The following MASP1 variants were observed in gnomAD, a reference collection of about 807,000 sequenced individuals.
MASP1 encodes the protein MBL associated serine protease 1.
Under a neutral mutation model 77.1 loss-of-function variants are expected in MASP1, and 59 were observed. The observed-to-expected ratio is 0.77, with a 90% CI of 0.62 to 0.95. MASP1 has a LOEUF of 0.95. Ranked by LOEUF, MASP1 falls within the 40% of genes least tolerant of loss-of-function variation. MASP1 has a pLI of 0.00. For synonymous variants in MASP1, 362 were observed against 354.5 expected, an observed-to-expected ratio of 1.02 and a Z score of -0.24; for missense variants, 885 against 912.9, an observed-to-expected ratio of 0.97 and a Z score of 0.39.
At chr3:187,272,306 C>T (rs188513560) in intron 2 of MASP1, among the ~76,000 whole-genome samples, 2 of 152,256 alleles carry the variant, frequency 1.3e-5, no homozygotes, top group Admixed American at 1.3e-4. Context: ...TTTTCTGTTT[C>T]TTTAGGATGC....
intron 6 of MASP1, 27 bp downstream of exon 6, chr3:187,253,141 G>A (rs757284899): frequency 8.1e-6 from 13 of 1,612,850 alleles, no homozygotes; most frequent in South Asian, 4.4e-5. Context: ...ACAGCAGCTC[G>A]GTGTGACCTG....
At chr3:187,245,342 G>T (rs710462) in intron 8 of MASP1, among the ~76,000 whole-genome samples, 72,938 of 151,916 alleles carry the variant, frequency 0.48, 18,165 homozygotes, top group Admixed American at 0.56. Context: ...TGACCGCCCA[G>T]TTCAGGAATT....
chr3:187,256,777 C>T lies in MASP1; in HGVS notation c.631G>A (p.Glu211Lys), dbSNP rs772743401. ...TCCAGCTCGATGGTATACAGGCATTCAGAGCTCTTGGGGTAAGGGTTTGGG... is the reference window on the plus strand; with the variant it reads ...TCCAGCTCGATGGTATACAGGCATTTAGAGCTCTTGGGGTAAGGGTTTGGG... ...DFPNPYPKSSECLYTIELEEG... is the reference protein window; with the variant it reads ...DFPNPYPKSSKCLYTIELEEG... The change falls in exon 5 of 11, where the codon GAA becomes AAA. Residue 211 changes from glutamate to lysine, a missense_variant. Transcript: ENST00000296280. 3.7e-6 allele frequency: 6 copies of T among 1,613,934 alleles called. No homozygotes were observed. The South Asian group carries it at 6.6e-5, about 18-fold the overall frequency.
rs557160256 is a variant in MASP1 at position 187,276,150 on chromosome 3, C to T, written c.237+9675G>A. On this transcript the variant is annotated intron_variant, in intron 2 of 10. Transcript: ENST00000296280. ...AAGAAAGCCACATGGCTAACCTTAC[C>T]TGCTTCAAGTGTTTGCTCAAATGTC... is the stretch of plus-strand genomic sequence containing the variant. 1.8e-4 allele frequency among the ~76,000 whole-genome samples: 24 copies of T among 131,110 alleles called. No individual in the cohort carries two copies. In the East Asian group the frequency reaches 4.9e-3, roughly 27 times the overall value. The allele number at this position is 131,110 out of a possible 152,430, so 86.0% of individuals were successfully genotyped here.
Position 187,234,540 on chromosome 3 carries a change from C to T in MASP1, c.*1144G>A, listed in dbSNP as rs1712977540. Reference sequence around the variant, plus strand: ...GAGCAGGGACTAGAACCCAGGACTCCTGGCTCTTTTCACTGCCTGCCATGG... The same window carrying T: ...GAGCAGGGACTAGAACCCAGGACTCTTGGCTCTTTTCACTGCCTGCCATGG... On this transcript the variant is annotated 3_prime_UTR_variant, in exon 11 of 11. Coordinates refer to ENST00000296280, the MANE Select transcript of MASP1 (RefSeq NM_139125.4). 8.5e-6 allele frequency: 11 copies of T among 1,287,196 alleles called. No homozygotes were observed. The highest frequency in any genetic ancestry group is 1.1e-5 in the Non-Finnish European group (11 of 988,672). The allele number at this position is 1,287,196 out of a possible 1,614,324, so 79.7% of individuals were successfully genotyped here. A position where few individuals can be genotyped will look rare whatever the true frequency, so the allele number is the denominator to read the frequency against.
In MASP1 at chr3:187,225,488, G is replaced by T. The variant is rs769361385; in HGVS notation, c.1577C>A (p.Ser526Ter). The T allele has an allele frequency of 6.2e-7, 1 of 1,614,182 alleles. No homozygotes were observed. Among genetic ancestry groups the T allele is most frequent in the Admixed American group, 1.7e-5 (1 of 60,020 alleles). The stretch of plus-strand genomic sequence containing the variant: ...GCCGAGATGCTGTTCATTTTCATCT[G>T]ACCGGAGCCTCCAATGCTTGCCTGG... The change falls in exon 13 of 16, where the codon TCA (serine) becomes TAA (stop). Residue 526 changes from serine (S) to a stop codon, truncating the protein, a stop_gained. Transcript: ENST00000337774. LOFTEE classifies it high-confidence loss of function.
At chr3:187,250,178 T>G (rs1194511144) in intron 8 of MASP1, 73 bp downstream of exon 8, 3 of 1,230,704 alleles carry the variant, frequency 2.4e-6, no homozygotes, top group Non-Finnish European at 3.6e-6. Flanking sequence ...CTTTCACCCT[T>G]GCATGCTCTG....
In MASP1 at chr3:187,283,728, C is replaced by T. The variant is rs375755463; in HGVS notation, c.237+2097G>A. On this transcript the variant is annotated intron_variant, in intron 2 of 10. Coordinates refer to ENST00000296280, the MANE Select transcript of MASP1 (RefSeq NM_139125.4). ...TGTGGTTAGAAAGTTCATATCTAGC[C>T]TTGTCTAAATCCATGGAACTTATTG... 2.0e-4 allele frequency among the ~76,000 whole-genome samples: 31 copies of T among 152,284 alleles called. No individual in the cohort carries two copies. In the East Asian group the frequency reaches 3.1e-3, roughly 15 times the overall value.
intron 2 of MASP1, among the ~76,000 whole-genome samples, chr3:187,275,757 G>T (rs576207927): frequency 2.0e-5 from 3 of 151,952 alleles, no homozygotes; most frequent in Non-Finnish European, 4.4e-5. Context: ...AAGCCACTGC[G>T]CATCTCTTTG....
chr3:187,281,192 T>G (rs1047358670), intron 2 of MASP1, among the ~76,000 whole-genome samples: 1 of 152,096 alleles, frequency 6.6e-6, no homozygotes, highest in Non-Finnish European at 1.5e-5. Context: ...TGTGCATGAG[T>G]CTTGAAGACC....
rs767342115 is a variant in MASP1 at position 187,256,820 on chromosome 3, C to T, written c.588G>A (p.Val196=). ...SDNLFTQRTG[V]ITSPDFPNPY... is the part of the protein sequence containing the mutation. The stretch of plus-strand genomic sequence containing the variant: ...GGTTTGGGAAGTCAGGGCTGGTGAT[C>T]ACCCCAGTCCTTTGAGTGAAGAGGT... Residue 196 remains valine (V), a synonymous_variant, in exon 5 of 11, where the codon GTG becomes GTA. Transcript: ENST00000296280. 1 of 1,613,978 alleles carries T rather than the reference C, an allele frequency of 6.2e-7. No homozygotes were observed. Among genetic ancestry groups the T allele is most frequent in the South Asian group, 1.1e-5 (1 of 91,064 alleles).
intron 2 of MASP1, among the ~76,000 whole-genome samples, chr3:187,284,667 T>C (rs753959863): frequency 6.6e-6 from 1 of 152,176 alleles, no homozygotes; most frequent in African/African-American, 2.4e-5. Flanking sequence ...TGGGAGTTGT[T>C]TGGTGTAGAC....
intron 2 of MASP1, among the ~76,000 whole-genome samples, chr3:187,271,636 C>T (rs73191724): frequency 0.029 from 4,230 of 147,978 alleles, 87 homozygotes; most frequent in Middle Eastern, 0.045. Context: ...GTTAGTGGAA[C>T]TATAGGTAAT....
Position 187,235,826 on chromosome 3 carries a change from C to A in MASP1, c.2045G>T (p.Gly682Val). 1 of 1,614,212 alleles carries A rather than the reference C, an allele frequency of 6.2e-7. No individual in the cohort carries two copies. Among genetic ancestry groups the A allele is most frequent in the Non-Finnish European group, 8.5e-7 (1 of 1,180,036 alleles). ...TTCAGGTCCCCCCCAGGACACCAGG[C>A]CTTGCACCACCCAGCGCTGGCTCAA... ...DDLSQRWVVQ[G>V]LVSWGGPEEC... Residue 682 changes from glycine (G) to valine (V), a missense_variant, in exon 11 of 11, where the codon GGC becomes GTC. Coordinates refer to ENST00000296280, the MANE Select transcript of MASP1 (RefSeq NM_139125.4).
intron 8 of MASP1, among the ~76,000 whole-genome samples, chr3:187,249,406 T>C (rs1458716326): frequency 1.3e-5 from 2 of 152,138 alleles, no homozygotes; most frequent in Admixed American, 6.6e-5. Context: ...CTCCCTTCTC[T>C]CTCCCTTCCT....
chr3:187,288,753 G>A (rs1361058213), intron 1 of MASP1, among the ~76,000 whole-genome samples: 1 of 152,136 alleles, frequency 6.6e-6, no homozygotes, highest in Non-Finnish European at 1.5e-5. Flanking sequence ...AGACCACATC[G>A]AGGAGACACT....
chr3:187,278,595 G>A (rs1336726454), intron 2 of MASP1, among the ~76,000 whole-genome samples: 1 of 151,744 alleles, frequency 6.6e-6, no homozygotes, highest in Non-Finnish European at 1.5e-5. Context: ...GCACTTCAGT[G>A]CACTCTATAT....
At chr3:187,229,970 C>A, downstream of MASP1, 1 of 1,568,660 alleles carries the variant, frequency 6.4e-7, no homozygotes, top group Non-Finnish European at 8.7e-7. Flanking sequence ...GAGCTCCCAG[C>A]TCCTCACCCT....
chr3:187,220,496 C>CTTTTTT (rs376566294), intron 15 of MASP1, among the ~76,000 whole-genome samples: 1 of 127,766 alleles, frequency 7.8e-6, no homozygotes, highest in African/African-American at 3.1e-5. Flanking sequence ...TTTTTTCTTT[C>CTTTTTT]TTTTTTTTTT....
Sources: allele counts gnomAD v4.1 joint callset (sites outside exome capture counted in the v4.1 genomes callset), GRCh38; gene constraint gnomAD v4.1.1; transcripts MANE v1.5; gene names NCBI Gene and HGNC (gene_info 2026-07-23, HGNC 2026-07-21).